Variants in GPC6 observed in about 807,000 individuals in gnomAD.
GPC6 encodes glypican 6.
In GPC6, 14 loss-of-function variants were observed where a neutral mutation model predicts 55.2. That is an observed-to-expected ratio of 0.25 (90% CI 0.17 to 0.40). GPC6 has a LOEUF of 0.40. GPC6 is among the 10% of genes least tolerant of loss of function. The pLI is 1.00. For synonymous variants in GPC6, 278 were observed against 259.6 expected, an observed-to-expected ratio of 1.07 and a Z score of -0.68; for missense variants, 641 against 708.5, an observed-to-expected ratio of 0.90 and a Z score of 1.08.
intron 1 of GPC6, among the ~76,000 whole-genome samples, chr13:93,260,145 G>T (rs1594057561): frequency 6.6e-6 from 1 of 152,148 alleles, no homozygotes; most frequent in East Asian, 1.9e-4. Flanking sequence ...ACAAAAAGCA[G>T]TATAACTTAG....
intron 2 of GPC6, among the ~76,000 whole-genome samples, chr13:93,728,586 A>G (rs183431306): frequency 7.0e-6 from 1 of 142,640 alleles, no homozygotes; most frequent in African/African-American, 2.5e-5. Flanking sequence ...TTTATTTTTG[A>G]GACAGAGTCT....
chr13:94,196,776 A>T (rs1889590202), intron 4 of GPC6, among the ~76,000 whole-genome samples: 1 of 152,154 alleles, frequency 6.6e-6, no homozygotes, highest in South Asian at 2.1e-4. Context: ...TCTTCCCATA[A>T]CTGCCACACA....
chr13:93,960,253 T>C (rs1879705692), intron 3 of GPC6, among the ~76,000 whole-genome samples: 1 of 152,140 alleles, frequency 6.6e-6, no homozygotes, highest in Non-Finnish European at 1.5e-5. Flanking sequence ...AACCAAAACG[T>C]TTTTACATAT....
At chr13:93,961,082 G>C (rs901105636) in intron 3 of GPC6, among the ~76,000 whole-genome samples, 41 of 152,160 alleles carry the variant, frequency 2.7e-4, no homozygotes, top group African/African-American at 8.2e-4. Flanking sequence ...CCAAAGTGCT[G>C]GGATTACAGG....
At chr13:94,335,864 C>T (rs1408134529) in intron 6 of GPC6, among the ~76,000 whole-genome samples, 2 of 151,514 alleles carry the variant, frequency 1.3e-5, no homozygotes, top group African/African-American at 4.9e-5. Context: ...CTCTTCCTGT[C>T]TTACTGAAAG....
rs1319276942 is a variant in GPC6 at position 93,497,722 on chromosome 13, C to G, written c.161-47541C>G. ...AATAGTTGAGAAACAGAACTGGCAT[C>G]TTTGTGGACCAAGTCTCACATAAAC... On this transcript the variant is annotated intron_variant, in intron 1 of 8. Transcript: ENST00000377047. 2.0e-5 allele frequency among the ~76,000 whole-genome samples: 3 copies of G among 152,366 alleles called. 1 individual carries two copies. The highest frequency in any genetic ancestry group is 1.3e-4 in the Admixed American group (2 of 15,304).
intron 4 of GPC6, among the ~76,000 whole-genome samples, chr13:94,283,122 G>T (rs1426062752): frequency 1.3e-5 from 2 of 152,152 alleles, no homozygotes; most frequent in African/African-American, 2.4e-5. Context: ...ATTCCTCATA[G>T]CAATTGCTGT....
intron 1 of GPC6, among the ~76,000 whole-genome samples, chr13:93,390,126 C>A (rs1201226709): frequency 6.6e-6 from 1 of 151,492 alleles, no homozygotes; most frequent in East Asian, 1.9e-4. Context: ...GAAAATAGAC[C>A]GAATTTGCTT....
intron 1 of GPC6, among the ~76,000 whole-genome samples, chr13:93,229,241 C>T (rs537649777): frequency 1.4e-5 from 2 of 138,862 alleles, no homozygotes; most frequent in South Asian, 2.4e-4. Flanking sequence ...GGATCAGCTT[C>T]GCTTTTTTTT....
chr13:93,565,048 C>T (rs778463992), intron 2 of GPC6, among the ~76,000 whole-genome samples: 4 of 152,114 alleles, frequency 2.6e-5, no homozygotes, highest in Non-Finnish European at 5.9e-5. Context: ...TCAACATTGT[C>T]AAAATGTTGG....
At chr13:93,533,803 G>T (rs528517218) in intron 1 of GPC6, among the ~76,000 whole-genome samples, 6 of 146,716 alleles carry the variant, frequency 4.1e-5, no homozygotes, top group African/African-American at 1.6e-4. Context: ...ACCTCTTTAG[G>T]TCCACTGCTG....
At chr13:93,429,125 GT>G (rs1204677606) in intron 1 of GPC6, among the ~76,000 whole-genome samples, 3 of 152,080 alleles carry the variant, frequency 2.0e-5, no homozygotes, top group African/African-American at 7.2e-5. Flanking sequence ...GGGGAAGCAA[GT>G]TTTTGCTAAA....
At chr13:93,999,210 G>A (rs1429945002) in intron 3 of GPC6, among the ~76,000 whole-genome samples, 2 of 152,072 alleles carry the variant, frequency 1.3e-5, no homozygotes, top group Non-Finnish European at 2.9e-5. Flanking sequence ...GCCCTGGTGT[G>A]TGATGTTCCC....
rs548543357 is a variant in GPC6, at chr13:93,289,361, G to A, written c.160+61745G>A. On this transcript the variant is annotated intron_variant, in intron 1 of 8. Coordinates refer to ENST00000377047, the MANE Select transcript of GPC6 (RefSeq NM_005708.5). ...CTAGGGCTCAAAAGACTTTCAAAAC[G>A]TGAGAATAGAGATAGATATTCTGGA... Among the ~76,000 whole-genome samples, 8 of 152,150 alleles carry A rather than the reference G, an allele frequency of 5.3e-5. No homozygotes were observed. In the South Asian group the frequency reaches 8.3e-4, roughly 16 times the overall value.
Position 93,907,684 on chromosome 13 carries a change from C to T in GPC6, c.711+77139C>T, listed in dbSNP as rs1344743337. 2.0e-5 allele frequency among the ~76,000 whole-genome samples: 3 copies of T among 152,064 alleles called. No individual in the cohort carries two copies. In the East Asian group the frequency reaches 5.8e-4, roughly 29 times the overall value. ...CAGCCAGACAGAGGTGCGACCAGAC[C>T]AAGTCAGATCTCTGAAGCTGTGACT... is the stretch of plus-strand genomic sequence containing the variant. On this transcript the variant is annotated intron_variant, in intron 3 of 8. Coordinates refer to ENST00000377047, the MANE Select transcript of GPC6 (RefSeq NM_005708.5).
chr13:93,797,214 T>G (rs902795394), intron 2 of GPC6, among the ~76,000 whole-genome samples: 1 of 150,826 alleles, frequency 6.6e-6, no homozygotes, highest in Non-Finnish European at 1.5e-5. Flanking sequence ...CCTGAGATTC[T>G]GCATTTCTAA....
At chr13:93,326,536 T>G (rs1566300690) in intron 1 of GPC6, among the ~76,000 whole-genome samples, 2 of 152,160 alleles carry the variant, frequency 1.3e-5, no homozygotes, top group African/African-American at 4.8e-5. Context: ...GTTTACAGAT[T>G]GGGGAGTAGC....
intron 4 of GPC6, among the ~76,000 whole-genome samples, chr13:94,119,437 T>A (rs1886549104): frequency 6.9e-6 from 1 of 145,660 alleles, no homozygotes; most frequent in South Asian, 2.1e-4. Context: ...AGCAGACAAC[T>A]GAAGGCGGTG....
chr13:93,646,149 G>T (rs1880159863), intron 2 of GPC6, among the ~76,000 whole-genome samples: 2 of 152,026 alleles, frequency 1.3e-5, no homozygotes, highest in African/African-American at 2.4e-5. Flanking sequence ...ATAAACTATG[G>T]AGTTTATATT....
Sources: gnomAD v4.1 joint callset for allele counts (sites outside exome capture counted in the v4.1 genomes callset) on GRCh38, gnomAD v4.1.1 for gene constraint, MANE v1.5 for transcripts, NCBI Gene and HGNC (gene_info 2026-07-23, HGNC 2026-07-21) for gene names.